The following AGMO variants were observed in gnomAD, a reference collection of about 807,000 sequenced individuals.
AGMO encodes the protein glyceryl-ether monooxygenase.
In AGMO, 75 loss-of-function variants were observed where a neutral mutation model predicts 60.2. The ratio of observed to expected loss-of-function variants is 1.25; its 90% confidence interval spans 1.03 to 1.51. AGMO has a LOEUF of 1.51. Among genes scored for constraint, AGMO ranks in the 40% most tolerant of loss-of-function variants. The probability of loss-of-function intolerance (pLI) is 0.00; values close to 1 mark genes in which losing one functional copy is unlikely to be tolerated. For synonymous variants in AGMO, 261 were observed against 177.1 expected (o/e 1.47, Z -3.76); for missense variants, 763 against 525.5 (o/e 1.45, Z -4.42).
At chr7:15,554,772 C>G (rs1455808557) in intron 2 of AGMO, among the ~76,000 whole-genome samples, 1 of 151,878 alleles carries the variant, frequency 6.6e-6, no homozygotes, top group Non-Finnish European at 1.5e-5. Context: ...ATCAATAAAT[C>G]AGAAATAAAT....
intron 3 of AGMO, among the ~76,000 whole-genome samples, chr7:15,475,419 T>G (rs535867643): frequency 9.9e-5 from 15 of 152,202 alleles, no homozygotes; most frequent in African/African-American, 3.6e-4. Context: ...GAAACCATCA[T>G]TCTCAGGAAA....
chr7:15,415,777 A>T (rs954387295), intron 5 of AGMO, among the ~76,000 whole-genome samples: 1 of 152,120 alleles, frequency 6.6e-6, no homozygotes, highest in Non-Finnish European at 1.5e-5. Context: ...AAATACTTAA[A>T]ACCTTCCACA....
chr7:15,201,450 T>C, intron 12 of AGMO, 91 bp from the exon 13 acceptor site: 1 of 892,840 alleles, frequency 1.1e-6, no homozygotes, highest in Non-Finnish European at 1.7e-6. Flanking sequence ...TAGAGGAAAA[T>C]GAACATGGAC....
the AGMO span, among the ~76,000 whole-genome samples, chr7:15,123,947 T>C: frequency 6.6e-6 from 1 of 152,108 alleles, no homozygotes; most frequent in Non-Finnish European, 1.5e-5. Flanking sequence ...AGCACTTCTA[T>C]TCAATCTGTA....
chr7:15,328,112 AT>A, intron 12 of AGMO, among the ~76,000 whole-genome samples: 1 of 148,764 alleles, frequency 6.7e-6, no homozygotes, highest in East Asian at 2.0e-4. Flanking sequence ...TTTCTTTTTT[AT>A]TTTTTTTCCA....
intron 12 of AGMO, among the ~76,000 whole-genome samples, chr7:15,298,056 G>A (rs1451437108): frequency 6.6e-6 from 1 of 152,020 alleles, no homozygotes; most frequent in African/African-American, 2.4e-5. Flanking sequence ...ACAAATTTAT[G>A]TCCTCTGTGT....
intron 12 of AGMO, among the ~76,000 whole-genome samples, chr7:15,256,481 T>C (rs545892698): frequency 6.6e-6 from 1 of 152,214 alleles, no homozygotes; most frequent in South Asian, 2.1e-4. Context: ...TAGCTGGGAC[T>C]ACAGGCGCCC....
chr7:15,262,946 T>TTA (rs1783317590), intron 12 of AGMO, among the ~76,000 whole-genome samples: 1 of 152,096 alleles, frequency 6.6e-6, no homozygotes, highest in Non-Finnish European at 1.5e-5. Context: ...GATCAAAGAC[T>TTA]TAAATATAAG....
In AGMO at chr7:15,453,756, G is replaced by C. The variant is rs185626837; in HGVS notation, c.410-22648C>G. Among the ~76,000 whole-genome samples, 145 of 152,202 alleles carry C rather than the reference G, an allele frequency of 9.5e-4. 2 individuals are homozygous for C. The highest frequency in any genetic ancestry group is 8.1e-3 in the Admixed American group (123 of 15,266). Reference sequence around the variant, plus strand: ...TCAGCACAGGATATTTGTGGCAGCAGGGTCAGGTGAAGGGTCTGCCAACAG... The same window carrying C: ...TCAGCACAGGATATTTGTGGCAGCACGGTCAGGTGAAGGGTCTGCCAACAG... On this transcript the variant is annotated intron_variant, in intron 3 of 12. Transcript: ENST00000342526.
chr7:15,244,389 A>G (rs1051964621), intron 12 of AGMO, among the ~76,000 whole-genome samples: 21 of 152,220 alleles, frequency 1.4e-4, no homozygotes, highest in African/African-American at 4.3e-4. Context: ...TATAGACTGT[A>G]TATCTTTTTT....
rs572351729 is a variant in AGMO at position 15,492,295 on chromosome 7, G to T, written c.409+52477C>A. Reference sequence around the variant, plus strand: ...TGGAGTTAAGACTAAGTCCTACTGGGCTACTAAAATGGGTAAATGGAACCG... The same window carrying T: ...TGGAGTTAAGACTAAGTCCTACTGGTCTACTAAAATGGGTAAATGGAACCG... On this transcript the variant is annotated intron_variant, in intron 3 of 12. Transcript: ENST00000342526. Among the ~76,000 whole-genome samples, 7 of 150,444 alleles carry T rather than the reference G, an allele frequency of 4.7e-5. No homozygotes were observed. The South Asian group carries it at 1.5e-3, about 32-fold the overall frequency.
chr7:15,270,828 T>A (rs927063172), intron 12 of AGMO, among the ~76,000 whole-genome samples: 5 of 151,698 alleles, frequency 3.3e-5, no homozygotes, highest in Non-Finnish European at 4.4e-5. Context: ...AAGTATTGAG[T>A]TAGTTTTTGT....
the AGMO span, among the ~76,000 whole-genome samples, chr7:15,178,632 G>C: frequency 6.6e-6 from 1 of 151,980 alleles, no homozygotes; most frequent in African/African-American, 2.4e-5. Flanking sequence ...TATGTACTTG[G>C]TACATAAGTG....
At chr7:15,481,786 T>C (rs1253793079) in intron 3 of AGMO, among the ~76,000 whole-genome samples, 3 of 131,624 alleles carry the variant, frequency 2.3e-5, no homozygotes, top group Admixed American at 8.5e-5. Flanking sequence ...TGGGACTAAA[T>C]GTATTTTTTT....
chr7:15,350,553 A>G (rs1441738305), intron 12 of AGMO, among the ~76,000 whole-genome samples: 1 of 152,164 alleles, frequency 6.6e-6, no homozygotes, highest in Admixed American at 6.6e-5. Context: ...AAGAAAACTC[A>G]CATTGAGAGT....
chr7:15,246,221 T>A (rs1014038745), intron 12 of AGMO, among the ~76,000 whole-genome samples: 5 of 151,984 alleles, frequency 3.3e-5, no homozygotes, highest in Non-Finnish European at 2.9e-5. Context: ...CATAATAGCT[T>A]CAAGTGGTTA....
chr7:15,290,782 G>C (rs115277992), intron 12 of AGMO, among the ~76,000 whole-genome samples: 1 of 151,938 alleles, frequency 6.6e-6, no homozygotes, highest in African/African-American at 2.4e-5. Flanking sequence ...CCAAACTTTC[G>C]TGATGATTTT....
intron 12 of AGMO, among the ~76,000 whole-genome samples, chr7:15,322,253 T>C (rs1781128717): frequency 6.8e-6 from 1 of 148,104 alleles, no homozygotes; most frequent in Admixed American, 6.9e-5. Flanking sequence ...ATATAAGAAA[T>C]ACCAAGGTAC....
the AGMO span, among the ~76,000 whole-genome samples, chr7:15,177,352 T>TA: frequency 6.6e-6 from 1 of 152,112 alleles, no homozygotes; most frequent in African/African-American, 2.4e-5. Flanking sequence ...TAGTTGCTTT[T>TA]ATTTTTATCA....
Sources: allele counts gnomAD v4.1 joint callset (sites outside exome capture counted in the v4.1 genomes callset), GRCh38; gene constraint gnomAD v4.1.1; transcripts MANE v1.5; gene names NCBI Gene and HGNC (gene_info 2026-07-23, HGNC 2026-07-21).